TMEFF2: variants seen among roughly 807,000 people sequenced by gnomAD.
TMEFF2 encodes tomoregulin-2.
Under a neutral mutation model 53.8 loss-of-function variants are expected in TMEFF2, and 28 were observed. The ratio of observed to expected loss-of-function variants is 0.52; its 90% CI spans 0.39 to 0.71. The LOEUF (loss-of-function observed/expected upper bound fraction) is 0.71, where lower values mean the gene tolerates loss of function less well. Ranked by LOEUF, TMEFF2 falls within the 30% of genes least tolerant of loss-of-function variation. TMEFF2 has a pLI of 0.00. For synonymous variants in TMEFF2, 162 were observed against 166.3 expected (o/e 0.97, Z 0.20); for missense variants, 353 against 455.2 (o/e 0.78, Z 2.04).
intron 4 of TMEFF2, among the ~76,000 whole-genome samples, chr2:192,119,351 C>G (rs1321407214): frequency 1.3e-5 from 2 of 152,112 alleles, no homozygotes; most frequent in Non-Finnish European, 2.9e-5. Flanking sequence ...TGCAAATGTT[C>G]TTCTGTAATA....
At chr2:191,972,154 T>G (rs917693173) in intron 7 of TMEFF2, among the ~76,000 whole-genome samples, 130 of 151,432 alleles carry the variant, frequency 8.6e-4, no homozygotes, top group African/African-American at 2.9e-3. Context: ...TTTTGTTTTT[T>G]TTTTTTTTTA....
At chr2:191,951,040 G>T (rs1373430451) in intron 9 of TMEFF2, among the ~76,000 whole-genome samples, 1 of 152,098 alleles carries the variant, frequency 6.6e-6, no homozygotes, top group Admixed American at 6.5e-5. Context: ...CTATGCAAAT[G>T]AGAATAGTGG....
chr2:191,962,344 G>A (rs915999218), intron 7 of TMEFF2, among the ~76,000 whole-genome samples: 10 of 152,034 alleles, frequency 6.6e-5, no homozygotes, highest in African/African-American at 1.4e-4. Context: ...TATCCTTATC[G>A]TTGCTTGCAT....
chr2:192,094,806 T>A (rs1318217113), intron 4 of TMEFF2, among the ~76,000 whole-genome samples: 1 of 152,156 alleles, frequency 6.6e-6, no homozygotes, highest in Non-Finnish European at 1.5e-5. Flanking sequence ...AAATTCACCT[T>A]AAGAATTATT....
At chr2:192,125,784 A>G (rs959297531) in intron 4 of TMEFF2, among the ~76,000 whole-genome samples, 1 of 152,186 alleles carries the variant, frequency 6.6e-6, no homozygotes, top group Non-Finnish European at 1.5e-5. Flanking sequence ...CAGAAAACCA[A>G]ACACTACATG....
At chr2:192,078,555 AATCAGGAAAATTC>A (rs1472817070) in intron 4 of TMEFF2, among the ~76,000 whole-genome samples, 1 of 152,156 alleles carries the variant, frequency 6.6e-6, no homozygotes, top group Non-Finnish European at 1.5e-5. Flanking sequence ...TTTTTAATTT[AATCAGGAAAATTC>A]ATCACTTATC....
At chr2:192,082,598 A>G (rs768869815) in intron 4 of TMEFF2, among the ~76,000 whole-genome samples, 6 of 152,164 alleles carry the variant, frequency 3.9e-5, no homozygotes, top group Non-Finnish European at 5.9e-5. Context: ...CCTGGAGTAA[A>G]CATCTTTCTA....
intron 5 of TMEFF2, among the ~76,000 whole-genome samples, chr2:192,025,519 G>A (rs1686951774): frequency 6.6e-6 from 1 of 152,060 alleles, no homozygotes; most frequent in Non-Finnish European, 1.5e-5. Flanking sequence ...CTTATAAAGT[G>A]TAGAAATTGT....
intron 4 of TMEFF2, among the ~76,000 whole-genome samples, chr2:192,103,009 A>C (rs1426052656): frequency 6.6e-6 from 1 of 151,844 alleles, no homozygotes; most frequent in African/African-American, 2.4e-5. Context: ...TTTCCCAAAA[A>C]CTTTGGGTCA....
chr2:192,027,675 T>C (rs1687005707), intron 5 of TMEFF2, among the ~76,000 whole-genome samples: 1 of 152,238 alleles, frequency 6.6e-6, no homozygotes, highest in African/African-American at 2.4e-5. Context: ...TTTACAGGCA[T>C]GTGGCCAGTG....
rs189611869 is a variant in TMEFF2, at chr2:192,102,288, C to T, written c.440-44513G>A. 1.6e-3 allele frequency among the ~76,000 whole-genome samples: 242 copies of T among 152,298 alleles called. 1 individual carries two copies. Among genetic ancestry groups the T allele is most frequent in the African/African-American group, 5.5e-3 (229 of 41,574 alleles). ...AGTCCAGGAATAAAGGACATGCTTA[C>T]AAGCTTATCACCAGCACACAGATCA... is the stretch of plus-strand genomic sequence containing the variant. On this transcript the variant is annotated intron_variant, in intron 4 of 9. Transcript: ENST00000272771.
chr2:192,143,513 TA>T (rs1207569032), intron 4 of TMEFF2, among the ~76,000 whole-genome samples: 3 of 152,200 alleles, frequency 2.0e-5, no homozygotes, highest in Admixed American at 2.0e-4. Flanking sequence ...TGAGTAACTA[TA>T]ATTGTATTTG....
At chr2:192,002,761 C>T (rs938884085) in intron 5 of TMEFF2, among the ~76,000 whole-genome samples, 5 of 152,114 alleles carry the variant, frequency 3.3e-5, no homozygotes, top group South Asian at 2.1e-4. Context: ...ACGGGGGAGG[C>T]GGAGGTTGCG....
intron 4 of TMEFF2, among the ~76,000 whole-genome samples, chr2:192,099,012 C>T (rs1688976059): frequency 6.6e-6 from 1 of 152,038 alleles, no homozygotes; most frequent in Non-Finnish European, 1.5e-5. Flanking sequence ...CCTTCCAAAA[C>T]CACTTTAGTA....
chr2:191,993,271 G>A lies in TMEFF2; in HGVS notation c.745+4991C>T, dbSNP rs563627434. ...TTACTAATAGGATGGACAGAATGTC[G>A]TTTAACTATTTCTGATTTCTTTCTT... On this transcript the variant is annotated intron_variant, in intron 7 of 9. Transcript: ENST00000272771. 3.0e-3 allele frequency among the ~76,000 whole-genome samples: 451 copies of A among 152,114 alleles called. 1 individual carries two copies. The highest frequency in any genetic ancestry group is 4.0e-3 in the Non-Finnish European group (275 of 67,964).
intron 7 of TMEFF2, among the ~76,000 whole-genome samples, chr2:191,995,317 T>G (rs1559076579): frequency 1.3e-5 from 2 of 151,978 alleles, no homozygotes; most frequent in African/African-American, 4.8e-5. Flanking sequence ...AAGAAAAAAC[T>G]GAGAGGGATA....
At chr2:191,959,747 G>C (rs945815622) in intron 7 of TMEFF2, among the ~76,000 whole-genome samples, 2 of 152,138 alleles carry the variant, frequency 1.3e-5, no homozygotes, top group Non-Finnish European at 2.9e-5. Flanking sequence ...AAATATTACA[G>C]TGTAAAATTT....
intron 4 of TMEFF2, among the ~76,000 whole-genome samples, chr2:192,132,190 C>G (rs541957088): frequency 3.4e-4 from 52 of 152,314 alleles, no homozygotes; most frequent in Admixed American, 1.8e-3. Flanking sequence ...CCTCCTCACA[C>G]CTGGTCTGGC....
intron 7 of TMEFF2, among the ~76,000 whole-genome samples, chr2:191,980,150 TATG>T (rs1223646666): frequency 6.6e-6 from 1 of 152,186 alleles, no homozygotes; most frequent in African/African-American, 2.4e-5. Context: ...GAGTTTCTAT[TATG>T]AGAAAAGATG....
Sources: gnomAD v4.1 joint callset for allele counts (sites outside exome capture counted in the v4.1 genomes callset) on GRCh38, gnomAD v4.1.1 for gene constraint, MANE v1.5 for transcripts, NCBI Gene and HGNC (gene_info 2026-07-23, HGNC 2026-07-21) for gene names.